Variants in PTPRD observed in about 807,000 individuals in gnomAD.
PTPRD encodes the protein protein tyrosine phosphatase receptor type D.
A neutral mutation model predicts 214.5 loss-of-function variants in PTPRD; 34 were observed. That is an observed-to-expected ratio of 0.16 (90% CI 0.12 to 0.21). PTPRD has a LOEUF of 0.21. Ranked by LOEUF, PTPRD falls within the 10% of genes least tolerant of loss-of-function variation. The probability of loss-of-function intolerance (pLI) is 1.00; values close to 1 mark genes in which losing one functional copy is unlikely to be tolerated. For synonymous variants in PTPRD, 1,128 were observed against 845.7 expected, an observed-to-expected ratio of 1.33 and a Z score of -5.79; for missense variants, 2,545 against 2,398.7, an observed-to-expected ratio of 1.06 and a Z score of -1.27.
intron 11 of PTPRD, among the ~76,000 whole-genome samples, chr9:8,769,087 T>A (rs2094992956): frequency 6.6e-6 from 1 of 152,136 alleles, no homozygotes; most frequent in African/African-American, 2.4e-5. Context: ...GATTTATGAA[T>A]CACCCAAGGA....
chr9:9,951,965 G>A (rs1280200152), intron 4 of PTPRD, among the ~76,000 whole-genome samples: 1 of 152,160 alleles, frequency 6.6e-6, no homozygotes, highest in African/African-American at 2.4e-5. Context: ...AAATATATAT[G>A]TTGGAATCAC....
intron 9 of PTPRD, among the ~76,000 whole-genome samples, chr9:9,362,312 C>A (rs2056458106): frequency 6.6e-6 from 1 of 151,032 alleles, no homozygotes; most frequent in South Asian, 2.1e-4. Flanking sequence ...AATATATAGG[C>A]ATATAAAACA....
At chr9:9,149,791 C>T (rs111497491) in intron 10 of PTPRD, among the ~76,000 whole-genome samples, 3 of 152,276 alleles carry the variant, frequency 2.0e-5, no homozygotes, top group South Asian at 2.1e-4. Flanking sequence ...GGGTGACAGG[C>T]ATTTGGATGC....
intron 5 of PTPRD, among the ~76,000 whole-genome samples, chr9:9,916,467 C>T (rs7867164): frequency 0.89 from 135,678 of 151,960 alleles, 60,823 homozygotes; most frequent in African/African-American, 0.93. Context: ...TGTAAATAAA[C>T]TAAATCCCCA....
intron 11 of PTPRD, among the ~76,000 whole-genome samples, chr9:8,765,289 G>A (rs142507912): frequency 6.6e-6 from 1 of 152,128 alleles, no homozygotes; most frequent in Non-Finnish European, 1.5e-5. Context: ...TTATGCCAGA[G>A]GTAATGCAAT....
chr9:9,251,551 G>T (rs1170682560), intron 9 of PTPRD, among the ~76,000 whole-genome samples: 2 of 152,046 alleles, frequency 1.3e-5, no homozygotes, highest in Non-Finnish European at 1.5e-5. Flanking sequence ...ACCTACAGTT[G>T]AATGTACTTT....
At chr9:9,547,427 T>C (rs1466157277) in intron 8 of PTPRD, among the ~76,000 whole-genome samples, 1 of 152,104 alleles carries the variant, frequency 6.6e-6, no homozygotes, top group Non-Finnish European at 1.5e-5. Flanking sequence ...TGTTTGGTTC[T>C]CAGAGCCAGG....
chr9:10,374,784 T>C (rs2097695635), intron 2 of PTPRD, among the ~76,000 whole-genome samples: 1 of 152,068 alleles, frequency 6.6e-6, no homozygotes, highest in Non-Finnish European at 1.5e-5. Flanking sequence ...ACTTCTTCTG[T>C]AATCAGTTAA....
At position 9,736,923 on chromosome 9, in the gene PTPRD, A is replaced by G. The variant is rs188219096; in HGVS notation, c.-325-2352T>C. On this transcript the variant is annotated intron_variant, in intron 6 of 45. Coordinates refer to ENST00000381196, the MANE Select transcript of PTPRD (RefSeq NM_002839.4). ...TTACTGTTTCTTACGTTGAACACCT[A>G]TTGTTAATTTTAATGCAGTCCTATT... is the stretch of plus-strand genomic sequence containing the variant. 1.9e-4 allele frequency among the ~76,000 whole-genome samples: 29 copies of G among 152,032 alleles called. No homozygotes were observed. The East Asian group carries it at 4.8e-3, about 25-fold the overall frequency.
At chr9:8,776,344 C>T (rs1295128159) in intron 11 of PTPRD, among the ~76,000 whole-genome samples, 3 of 152,084 alleles carry the variant, frequency 2.0e-5, no homozygotes, top group African/African-American at 7.2e-5. Context: ...CTCACATCGC[C>T]CAGGCTGGAG....
At chr9:9,477,072 CA>C (rs1569568671) in intron 8 of PTPRD, among the ~76,000 whole-genome samples, 1 of 151,938 alleles carries the variant, frequency 6.6e-6, no homozygotes, top group South Asian at 2.1e-4. Flanking sequence ...AATAGCAATG[CA>C]AAAAAGGTAC....
At chr9:9,257,763 G>A (rs2099978351) in intron 9 of PTPRD, among the ~76,000 whole-genome samples, 1 of 151,918 alleles carries the variant, frequency 6.6e-6, no homozygotes, top group South Asian at 2.1e-4. Flanking sequence ...CAGTCTGGAT[G>A]ACAAAATGAG....
At chr9:10,149,217 T>A (rs767759630) in intron 3 of PTPRD, among the ~76,000 whole-genome samples, 40 of 152,208 alleles carry the variant, frequency 2.6e-4, no homozygotes, top group Non-Finnish European at 2.2e-4. Context: ...GGCAGTCATG[T>A]TGCAACACAA....
chr9:9,202,108 G>A (rs886245555), intron 9 of PTPRD, among the ~76,000 whole-genome samples: 4 of 152,170 alleles, frequency 2.6e-5, no homozygotes, highest in African/African-American at 9.7e-5. Flanking sequence ...ATAGTGTGTT[G>A]GGTAGCACAC....
chr9:9,947,715 G>A (rs762336037), intron 4 of PTPRD, among the ~76,000 whole-genome samples: 1 of 134,010 alleles, frequency 7.5e-6, no homozygotes, highest in South Asian at 2.2e-4. Context: ...TGGTTCTAAG[G>A]ACTAAAATAC....
chr9:8,874,532 C>A (rs944789797), intron 11 of PTPRD, among the ~76,000 whole-genome samples: 1 of 152,214 alleles, frequency 6.6e-6, no homozygotes, highest in Non-Finnish European at 1.5e-5. Flanking sequence ...CTGAGCATCT[C>A]ATACTCTTCA....
In PTPRD at chr9:9,786,586, C is replaced by T. The variant is rs1768878; in HGVS notation, c.-367-19735G>A. ...CATTCCCTTGCTGGTAGAAGCAAGACGAGGAGTACTTTAAAATCACTTGCA... is the reference window on the plus strand; with the variant it reads ...CATTCCCTTGCTGGTAGAAGCAAGATGAGGAGTACTTTAAAATCACTTGCA... On this transcript the variant is annotated intron_variant, in intron 5 of 45. Transcript: ENST00000381196. Among the ~76,000 whole-genome samples the T allele has an allele frequency of 1.6e-3, 247 of 152,102 alleles. 3 individuals are homozygous for T. Among genetic ancestry groups the T allele is most frequent in the African/African-American group, 5.4e-3 (224 of 41,502 alleles).
intron 14 of PTPRD, among the ~76,000 whole-genome samples, chr9:8,605,607 C>T (rs1014286075): frequency 6.6e-6 from 1 of 152,154 alleles, no homozygotes; most frequent in African/African-American, 2.4e-5. Flanking sequence ...GCCTCCATCT[C>T]TACATAAATA....
rs7851279 is a variant in PTPRD, at chr9:10,070,064, A to C, written c.-544-36274T>G. 3.3e-3 allele frequency among the ~76,000 whole-genome samples: 503 copies of C among 152,156 alleles called. 2 individuals carry two copies. The highest frequency in any genetic ancestry group is 0.011 in the African/African-American group (461 of 41,546). Reference sequence around the variant, plus strand: ...TTGGTGTGAAGCAGGGGAATGTCAAAGATTAATAACAACAAAAAAGGTAAT... The same window carrying C: ...TTGGTGTGAAGCAGGGGAATGTCAACGATTAATAACAACAAAAAAGGTAAT... On this transcript the variant is annotated intron_variant, in intron 3 of 45. Transcript: ENST00000381196.
Sources: gnomAD v4.1 joint callset for allele counts (sites outside exome capture counted in the v4.1 genomes callset) on GRCh38, gnomAD v4.1.1 for gene constraint, MANE v1.5 for transcripts, NCBI Gene and HGNC (gene_info 2026-07-23, HGNC 2026-07-21) for gene names.